The following PNPT1 variants were observed in gnomAD, a reference collection of about 807,000 sequenced individuals.
PNPT1 encodes the protein polyribonucleotide nucleotidyltransferase 1, mitochondrial.
PNPT1 carries 53 observed loss-of-function variants against 119.5 expected under a neutral mutation model. That is an observed-to-expected ratio of 0.44 (90% confidence interval 0.36 to 0.56). The LOEUF (loss-of-function observed/expected upper bound fraction) is 0.56. Ranked by LOEUF, PNPT1 falls within the 20% of genes least tolerant of loss-of-function variation. The probability of loss-of-function intolerance (pLI) is 0.00; values close to 1 mark genes in which losing one functional copy is unlikely to be tolerated. For synonymous variants in PNPT1, 357 were observed against 322.1 expected (o/e 1.11, Z -1.16); for missense variants, 948 against 938.5 (o/e 1.01, Z -0.13).
intron 9 of PNPT1, among the ~76,000 whole-genome samples, chr2:55,672,684 A>C (rs1051997186): frequency 5.3e-5 from 8 of 152,194 alleles, no homozygotes; most frequent in African/African-American, 1.7e-4. Context: ...ACACTCTTTC[A>C]TTTGAGATTC....
chr2:55,687,237 C>T (rs1291811979), intron 2 of PNPT1, among the ~76,000 whole-genome samples: 4 of 128,594 alleles, frequency 3.1e-5, no homozygotes, highest in African/African-American at 8.8e-5. Flanking sequence ...AAAAAGAGAT[C>T]GAGACCATCC....
intron 18 of PNPT1, among the ~76,000 whole-genome samples, chr2:55,651,083 C>T (rs1298159829): frequency 2.9e-5 from 4 of 137,288 alleles, no homozygotes; most frequent in African/African-American, 5.4e-5. Flanking sequence ...GGGGGGTCAG[C>T]CCCCCCGCCC....
intron 7 of PNPT1, 122 bp downstream of exon 7, chr2:55,680,590 T>G (rs886349998): frequency 1.1e-6 from 1 of 896,536 alleles, no homozygotes; most frequent in East Asian, 2.5e-5. Context: ...TAGAACGTCA[T>G]CTAGTTCAAT....
chr2:55,673,173 G>A, intron 8 of PNPT1, 94 bp from the exon 9 acceptor site: 1 of 1,009,302 alleles, frequency 9.9e-7, no homozygotes. Context: ...AAATATTATG[G>A]ATCAATTTTA....
chr2:55,645,731 C>T (rs1380859779), intron 21 of PNPT1, among the ~76,000 whole-genome samples: 8 of 152,158 alleles, frequency 5.3e-5, no homozygotes, highest in African/African-American at 1.7e-4. Context: ...GATCTCACTA[C>T]GTTGCCCAGG....
chr2:55,644,569 A>G, intron 23 of PNPT1, 68 bp downstream of exon 23: 1 of 1,132,444 alleles, frequency 8.8e-7, no homozygotes, highest in Non-Finnish European at 1.3e-6. Flanking sequence ...AACATACTAG[A>G]GATGAAATAG....
intron 1 of PNPT1, among the ~76,000 whole-genome samples, chr2:55,692,171 C>T (rs2104201441): frequency 6.6e-6 from 1 of 152,020 alleles, no homozygotes; most frequent in East Asian, 1.9e-4. Context: ...AGGTGTTAGC[C>T]ACTGTGCTCG....
chr2:55,661,913 GAAC>G, intron 14 of PNPT1, 40 bp downstream of exon 14: 5 of 1,462,710 alleles, frequency 3.4e-6, no homozygotes, highest in Non-Finnish European at 3.7e-6. Flanking sequence ...TTATATAATA[GAAC>G]ATCATAAAAC....
chr2:55,660,518 C>G (rs147937450), intron 14 of PNPT1, among the ~76,000 whole-genome samples: 1 of 152,298 alleles, frequency 6.6e-6, no homozygotes, highest in African/African-American at 2.4e-5. Context: ...GCTATACCCA[C>G]GTTAGTTAAA....
intron 17 of PNPT1, 100 bp downstream of exon 17, chr2:55,656,031 C>A: frequency 1.4e-6 from 2 of 1,424,552 alleles, no homozygotes; most frequent in Non-Finnish European, 1.9e-6. Context: ...AACTTGGGTT[C>A]TGTAGTAATA....
At chr2:55,651,923 G>A (rs1441619270) in intron 18 of PNPT1, among the ~76,000 whole-genome samples, 1 of 142,460 alleles carries the variant, frequency 7.0e-6, no homozygotes. Context: ...TTCAACATAT[G>A]GTTCTACTTT....
intron 23 of PNPT1, among the ~76,000 whole-genome samples, chr2:55,643,636 G>C (rs947450825): frequency 8.6e-5 from 13 of 152,006 alleles, no homozygotes; most frequent in African/African-American, 3.1e-4. Flanking sequence ...ACCTACTTGG[G>C]ACTCACAGTC....
chr2:55,689,524 C>T (rs563639040), intron 1 of PNPT1, among the ~76,000 whole-genome samples: 173 of 152,178 alleles, frequency 1.1e-3, no homozygotes, highest in African/African-American at 4.0e-3. Context: ...TATTATTCAG[C>T]GATAAAAAGG....
chr2:55,638,248 G>A (rs189587972), intron 26 of PNPT1, among the ~76,000 whole-genome samples: 1 of 150,644 alleles, frequency 6.6e-6, no homozygotes, highest in East Asian at 1.9e-4. Context: ...GTTGCAGTAA[G>A]CTGAGATTAT....
At chr2:55,689,328 T>C (rs1032504285) in intron 1 of PNPT1, among the ~76,000 whole-genome samples, 3 of 152,178 alleles carry the variant, frequency 2.0e-5, no homozygotes, top group Non-Finnish European at 4.4e-5. Flanking sequence ...AGTAAGTACA[T>C]AAAAATATGC....
chr2:55,691,924 T>C (rs1442009524), intron 1 of PNPT1, among the ~76,000 whole-genome samples: 5 of 140,050 alleles, frequency 3.6e-5, no homozygotes, highest in Admixed American at 7.2e-5. Flanking sequence ...TTCACTCTTA[T>C]CACCCAGGCT....
In PNPT1 at chr2:55,691,342, A is replaced by C. The variant is rs1697593768; in HGVS notation, c.161+2321T>G. Among the ~76,000 whole-genome samples, 8 of 152,336 alleles carry C rather than the reference A, an allele frequency of 5.3e-5. No individual in the cohort carries two copies. The South Asian group carries it at 1.7e-3, about 32-fold the overall frequency. ...ATACTATCTGAAAAACACCTACAATAATTATATAATCTTCCAGAATGCAGT... is the reference window on the plus strand; with the variant it reads ...ATACTATCTGAAAAACACCTACAATCATTATATAATCTTCCAGAATGCAGT... On this transcript the variant is annotated intron_variant, in intron 1 of 27. Coordinates refer to ENST00000447944, the MANE Select transcript of PNPT1 (RefSeq NM_033109.5).
At chr2:55,676,619 C>T (rs1001239817) in intron 8 of PNPT1, among the ~76,000 whole-genome samples, 7 of 151,972 alleles carry the variant, frequency 4.6e-5, no homozygotes, top group East Asian at 3.9e-4. Flanking sequence ...CCCGGCACTT[C>T]GGGAGGCTGA....
intron 1 of PNPT1, 63 bp downstream of exon 1, chr2:55,693,600 T>C (rs1453657318): frequency 1.9e-6 from 3 of 1,589,820 alleles, no homozygotes; most frequent in Non-Finnish European, 2.6e-6. Flanking sequence ...GGGAGATGAA[T>C]ACGCTCAAGC....
Sources: gnomAD v4.1 joint callset for allele counts (sites outside exome capture counted in the v4.1 genomes callset) on GRCh38, gnomAD v4.1.1 for gene constraint, MANE v1.5 for transcripts, NCBI Gene and HGNC (gene_info 2026-07-23, HGNC 2026-07-21) for gene names.